SLC12A7: variants seen among roughly 807,000 people sequenced by gnomAD.
SLC12A7 encodes the protein solute carrier family 12 member 7, also known as K-Cl cotransporter 4.
Under a neutral mutation model 120.6 loss-of-function variants are expected in SLC12A7, and 100 were observed. That is an observed-to-expected ratio of 0.83 (90% CI 0.71 to 0.98). SLC12A7 has a LOEUF of 0.98. SLC12A7 is among the 50% of genes least tolerant of loss of function. SLC12A7 has a pLI of 0.00. For synonymous variants in SLC12A7, 760 were observed against 678.0 expected (o/e 1.12, Z -1.88); for missense variants, 1,373 against 1,548.1 (o/e 0.89, Z 1.90).
chr5:1,104,228 A>G (rs1031182795), intron 1 of SLC12A7, among the ~76,000 whole-genome samples: 6 of 152,236 alleles, frequency 3.9e-5, no homozygotes, highest in African/African-American at 1.4e-4. Flanking sequence ...AGAGGTCTGC[A>G]GACAGAGCCA....
chr5:1,073,668 G>A lies in SLC12A7; in HGVS notation c.2206C>T (p.Leu736=). The A allele has an allele frequency of 6.2e-7, 1 of 1,604,032 alleles. No individual in the cohort carries two copies. The highest frequency in any genetic ancestry group is 8.5e-7 in the Non-Finnish European group (1 of 1,175,844). Residue 736 remains leucine, a synonymous_variant, in exon 17 of 24, where the codon CTG becomes TTG. Transcript: ENST00000264930. Reference sequence around the variant, plus strand: ...CGCTGAGCCTCCATGTGCTTGTCCAGGTACGTCCCCTCCAGCACCGAGCCC... The same window carrying A: ...CGCTGAGCCTCCATGTGCTTGTCCAAGTACGTCCCCTCCAGCACCGAGCCC... ...IVGSVLEGTY[L]DKHMEAQRAE... is the part of the protein sequence containing the mutation.
Position 1,050,523 on chromosome 5 carries a change from C to T in SLC12A7, c.*1837G>A, listed in dbSNP as rs1734935044. 7.8e-6 allele frequency: 2 copies of T among 255,218 alleles called. No individual in the cohort carries two copies. Among genetic ancestry groups the T allele is most frequent in the Non-Finnish European group, 1.5e-5 (2 of 135,606 alleles). The allele number at this position is 255,218 out of a possible 1,614,324, so 15.8% of individuals were successfully genotyped here. ...ACAAAGGATGCCTGGTGCTTGCGTG[C>T]AGAGGCTGCAGCCCAGGGCGGGGGC... On this transcript the variant is annotated 3_prime_UTR_variant, in exon 24 of 24. Transcript: ENST00000264930.
chr5:1,109,908 C>G (rs1398654477), intron 1 of SLC12A7, among the ~76,000 whole-genome samples: 1 of 152,246 alleles, frequency 6.6e-6, no homozygotes, highest in Non-Finnish European at 1.5e-5. Flanking sequence ...TGTGGCCGGA[C>G]AGTTTTGGAC....
chr5:1,141,324 A>G, the SLC12A7 span, among the ~76,000 whole-genome samples: 1 of 152,186 alleles, frequency 6.6e-6, no homozygotes, highest in Non-Finnish European at 1.5e-5. Context: ...GCTCCCTCCC[A>G]ATACCATCAC....
At chr5:1,121,294 C>T in the SLC12A7 span, among the ~76,000 whole-genome samples, 1 of 152,270 alleles carries the variant, frequency 6.6e-6, no homozygotes, top group Non-Finnish European at 1.5e-5. Context: ...GTGGAGTTCC[C>T]TGTGTCGGTC....
chr5:1,077,549 A>C (rs1252229033), intron 12 of SLC12A7, among the ~76,000 whole-genome samples: 5 of 152,110 alleles, frequency 3.3e-5, no homozygotes, highest in Non-Finnish European at 7.4e-5. Context: ...CAGACAACAG[A>C]CCAGGCACCT....
chr5:1,074,429 G>C, intron 16 of SLC12A7, 138 bp downstream of exon 16: 3 of 725,158 alleles, frequency 4.1e-6, no homozygotes, highest in Non-Finnish European at 6.8e-6. Flanking sequence ...TCTGCACCAG[G>C]CAGTGTTCAC....
rs1467661812 is a variant in SLC12A7 at position 1,077,850 on chromosome 5, T to C, written c.1612A>G (p.Ile538Val). The change falls in exon 12 of 24, where the codon ATC becomes GTC. Residue 538 changes from isoleucine to valine, a missense_variant. Transcript: ENST00000264930. ...GGACTCACCTGCAGGAAGGGGACGA[T>C]GCCGTCACGGGCAATGGCCTGCAGT... ...RLLQAIARDG[I>V]VPFLQVFGHG... 1.9e-6 allele frequency: 3 copies of C among 1,590,876 alleles called. No homozygotes were observed. Among genetic ancestry groups the C allele is most frequent in the Admixed American group, 3.5e-5 (2 of 57,022 alleles).
intron 1 of SLC12A7, among the ~76,000 whole-genome samples, chr5:1,108,358 G>A (rs1466201068): frequency 6.6e-6 from 1 of 152,226 alleles, no homozygotes; most frequent in African/African-American, 2.4e-5. Flanking sequence ...GTTTCCTTTG[G>A]TTTTAAAAAG....
chr5:1,065,160 AAAGGGGACAGT>A, intron 18 of SLC12A7, 112 bp downstream of exon 18: 1 of 721,768 alleles, frequency 1.4e-6, no homozygotes, highest in Non-Finnish European at 2.1e-6. Flanking sequence ...GTGGGGACGA[AAAGGGGACAGT>A]GAGAGGACAG....
Position 1,065,324 on chromosome 5 carries a change from C to G in SLC12A7, c.2396G>C (p.Trp799Ser). The G allele has an allele frequency of 2.5e-6, 4 of 1,590,598 alleles. No homozygotes were observed. Among genetic ancestry groups the G allele is most frequent in the Non-Finnish European group, 3.4e-6 (4 of 1,167,042 alleles). Reference protein sequence around the residue: ...NTVLMAWPASWKQEDNPFSWK... With the variant: ...NTVLMAWPASSKQEDNPFSWK... ...GGAGAAGGGGTTGTCCTCCTGCTTC[C>G]AGGATGCGGGCCAGGCCATGAGCAC... Residue 799 changes from tryptophan (W) to serine (S), a missense_variant, in exon 18 of 24, where the codon TGG becomes TCG. Coordinates refer to ENST00000264930, the MANE Select transcript of SLC12A7 (RefSeq NM_006598.3).
At position 1,111,949 on chromosome 5, in the gene SLC12A7, C is replaced by A; in HGVS notation, c.43G>T (p.Asp15Tyr). The part of the protein sequence containing the change: ...FTVVPVEAHA[D>Y]GGGDETAERT... ...TCGGCAGTCTCGTCCCCGCCGCCGT[C>A]GGCGTGAGCCTCCACGGGCACCACG... The change falls in exon 1 of 24, where the codon GAC becomes TAC. Residue 15 changes from aspartate to tyrosine, a missense_variant. By Grantham distance (160) the Asp-to-Tyr change is radical (BLOSUM62 -3). Transcript: ENST00000264930. The A allele has an allele frequency of 7.7e-7, 1 of 1,293,182 alleles. No individual in the cohort carries two copies. Among genetic ancestry groups the A allele is most frequent in the Non-Finnish European group, 9.8e-7 (1 of 1,020,428 alleles). 80.1% of individuals were successfully genotyped at this position (1,293,182 alleles called of 1,614,324 possible). A position where few individuals can be genotyped will look rare whatever the true frequency, so the allele number is the denominator to read the frequency against.
the SLC12A7 span, among the ~76,000 whole-genome samples, chr5:1,140,941 G>A: frequency 6.6e-6 from 1 of 152,222 alleles, no homozygotes; most frequent in Non-Finnish European, 1.5e-5. Context: ...AGCCAAGGTG[G>A]GCAAGCTGGG....
At chr5:1,116,625 C>T (rs570830743), upstream of SLC12A7, among the ~76,000 whole-genome samples, 1 of 152,350 alleles carries the variant, frequency 6.6e-6, no homozygotes, top group African/African-American at 2.4e-5. Flanking sequence ...ACACACTCTT[C>T]CCCTCACTCA....
chr5:1,100,277 C>T (rs543642306), intron 1 of SLC12A7, among the ~76,000 whole-genome samples: 398 of 152,324 alleles, frequency 2.6e-3, no homozygotes, highest in African/African-American at 8.7e-3. Flanking sequence ...GTACGGTGCT[C>T]CATTCTGCAG....
upstream of SLC12A7, among the ~76,000 whole-genome samples, chr5:1,116,996 A>G (rs1252681383): frequency 1.3e-5 from 2 of 152,172 alleles, no homozygotes; most frequent in Non-Finnish European, 2.9e-5. Flanking sequence ...AGACGTCATA[A>G]AGAGCTGGGT....
chr5:1,120,460 T>C, the SLC12A7 span, among the ~76,000 whole-genome samples: 1 of 152,220 alleles, frequency 6.6e-6, no homozygotes, highest in Non-Finnish European at 1.5e-5. Flanking sequence ...GTCGGCAGTG[T>C]GCCGGGGACA....
intron 14 of SLC12A7, among the ~76,000 whole-genome samples, chr5:1,075,736 G>A (rs1738257868): frequency 6.6e-6 from 1 of 152,250 alleles, no homozygotes; most frequent in Non-Finnish European, 1.5e-5. Context: ...CGTGCACACA[G>A]CACCTCGGCT....
the SLC12A7 span, among the ~76,000 whole-genome samples, chr5:1,138,901 T>C: frequency 6.6e-6 from 1 of 152,222 alleles, no homozygotes; most frequent in Admixed American, 6.5e-5. Flanking sequence ...CCTTAACACA[T>C]GCTGGGTCCT....
Sources: allele counts gnomAD v4.1 joint callset (sites outside exome capture counted in the v4.1 genomes callset), GRCh38; gene constraint gnomAD v4.1.1; transcripts MANE v1.5; gene names NCBI Gene and HGNC (gene_info 2026-07-23, HGNC 2026-07-21).